The following LRP1B variants were observed in gnomAD, a reference collection of about 807,000 sequenced individuals.
The protein encoded by LRP1B is low-density lipoprotein receptor-related protein 1B.
In LRP1B, 217 loss-of-function variants were observed where a neutral mutation model predicts 556.6. The ratio of observed to expected loss-of-function variants is 0.39; its 90% CI spans 0.35 to 0.44. LRP1B has a LOEUF of 0.44. Among genes scored for constraint, LRP1B ranks in the 20% least tolerant of loss-of-function variants. LRP1B has a pLI of 1.00. For missense variants in LRP1B, 5,053 were observed against 5,620.8 expected (o/e 0.90, Z 3.23); for synonymous variants, 2,047 against 1,865.8 (o/e 1.10, Z -2.50).
intron 1 of LRP1B, among the ~76,000 whole-genome samples, chr2:141,902,632 A>T (rs185317201): frequency 1.1e-3 from 165 of 152,156 alleles, no homozygotes; most frequent in African/African-American, 3.9e-3. Flanking sequence ...CATATAGCAC[A>T]TTCAAGCTGC....
chr2:141,130,050 C>CA (rs1345034182), intron 7 of LRP1B, among the ~76,000 whole-genome samples: 6 of 151,774 alleles, frequency 4.0e-5, no homozygotes, highest in Middle Eastern at 3.7e-3. Context: ...TAAAGTACTT[C>CA]AAAAAATGTA....
intron 3 of LRP1B, among the ~76,000 whole-genome samples, chr2:141,363,521 TG>T (rs2105571644): frequency 6.6e-6 from 1 of 152,306 alleles, no homozygotes; most frequent in Admixed American, 6.5e-5. Flanking sequence ...TCTACCATGT[TG>T]TCTTAACCAT....
chr2:140,752,658 T>C (rs1164440463), intron 35 of LRP1B, among the ~76,000 whole-genome samples: 1 of 152,250 alleles, frequency 6.6e-6, no homozygotes, highest in Non-Finnish European at 1.5e-5. Flanking sequence ...TATCTTTATA[T>C]ATGTATTTGT....
chr2:140,310,865 A>G (rs548356875), intron 83 of LRP1B, among the ~76,000 whole-genome samples: 2 of 152,100 alleles, frequency 1.3e-5, no homozygotes, highest in South Asian at 4.1e-4. Flanking sequence ...TAAAACTTCA[A>G]AAGCAAATGC....
intron 1 of LRP1B, among the ~76,000 whole-genome samples, chr2:142,065,057 C>T (rs1705058418): frequency 6.6e-6 from 1 of 151,436 alleles, no homozygotes; most frequent in African/African-American, 2.4e-5. Context: ...AATATCTAAA[C>T]AATAGGATGT....
chr2:140,314,308 T>C (rs1470861660), intron 83 of LRP1B, among the ~76,000 whole-genome samples: 1 of 152,058 alleles, frequency 6.6e-6, no homozygotes, highest in African/African-American at 2.4e-5. Context: ...ACATTTTAAA[T>C]TTAATACAAG....
intron 7 of LRP1B, among the ~76,000 whole-genome samples, chr2:141,081,795 A>C (rs1699929387): frequency 6.6e-6 from 1 of 152,190 alleles, no homozygotes; most frequent in Non-Finnish European, 1.5e-5. Flanking sequence ...ACACAAGCCC[A>C]TTGCTGGGTA....
At chr2:141,331,477 CT>C (rs1194121452) in intron 3 of LRP1B, among the ~76,000 whole-genome samples, 3 of 142,150 alleles carry the variant, frequency 2.1e-5, no homozygotes, top group Non-Finnish European at 4.6e-5. Context: ...AACTCTTAAT[CT>C]TTGTTTCTTT....
chr2:140,405,894 A>G (rs55792736), intron 66 of LRP1B, among the ~76,000 whole-genome samples: 1 of 152,298 alleles, frequency 6.6e-6, no homozygotes. Flanking sequence ...ACATAAAAAT[A>G]AAACTACAGA....
chr2:141,050,661 A>C (rs1699009976), intron 10 of LRP1B, among the ~76,000 whole-genome samples: 1 of 152,156 alleles, frequency 6.6e-6, no homozygotes, highest in South Asian at 2.1e-4. Context: ...TTAAATGTAA[A>C]CCAAAACCAT....
At chr2:140,344,210 T>C (rs1409866193) in intron 77 of LRP1B, among the ~76,000 whole-genome samples, 2 of 151,752 alleles carry the variant, frequency 1.3e-5, no homozygotes, top group African/African-American at 4.8e-5. Flanking sequence ...GAGGAAACAG[T>C]ATAAGGAATC....
At chr2:141,756,211 A>G (rs1694312777) in intron 2 of LRP1B, among the ~76,000 whole-genome samples, 1 of 152,060 alleles carries the variant, frequency 6.6e-6, no homozygotes, top group Non-Finnish European at 1.5e-5. Context: ...TTTAATCAGT[A>G]TGTTGATATT....
intron 3 of LRP1B, among the ~76,000 whole-genome samples, chr2:141,263,305 A>G (rs1684770123): frequency 6.6e-6 from 1 of 152,100 alleles, no homozygotes; most frequent in Non-Finnish European, 1.5e-5. Flanking sequence ...CTAATGAATT[A>G]TAAACATCAG....
chr2:142,043,505 GA>G (rs936835810), intron 1 of LRP1B, among the ~76,000 whole-genome samples: 1 of 151,406 alleles, frequency 6.6e-6, no homozygotes, highest in Non-Finnish European at 1.5e-5. Context: ...ATTTAGAAGA[GA>G]AAAAAATAGT....
intron 43 of LRP1B, among the ~76,000 whole-genome samples, chr2:140,543,374 G>GT (rs71408461): frequency 0.034 from 5,124 of 151,720 alleles, 121 homozygotes; most frequent in Middle Eastern, 0.062. Flanking sequence ...TAAAAACTGG[G>GT]TTTTTTTATG....
chr2:142,115,770 C>A (rs181637460), intron 1 of LRP1B, among the ~76,000 whole-genome samples: 969 of 4,344 alleles, frequency 0.22, 339 homozygotes, highest in Non-Finnish European at 0.28. Flanking sequence ...TAATATATAT[C>A]ATATATATGT....
At chr2:141,825,353 T>C (rs1342133347) in intron 1 of LRP1B, among the ~76,000 whole-genome samples, 1 of 152,198 alleles carries the variant, frequency 6.6e-6, no homozygotes, top group Non-Finnish European at 1.5e-5. Flanking sequence ...CCACCCTTTA[T>C]GATTTTGTCA....
intron 66 of LRP1B, among the ~76,000 whole-genome samples, chr2:140,391,077 C>T (rs1683998290): frequency 6.6e-6 from 1 of 151,960 alleles, no homozygotes; most frequent in Admixed American, 6.6e-5. Flanking sequence ...TTGTATGAGA[C>T]ATGTTATTGC....
chr2:141,269,426 C>G (rs566201162), intron 3 of LRP1B, among the ~76,000 whole-genome samples: 1 of 152,124 alleles, frequency 6.6e-6, no homozygotes, highest in Non-Finnish European at 1.5e-5. Context: ...GCTGACCGTG[C>G]AAGCTATCTG....
Sources: gnomAD v4.1 joint callset for allele counts (sites outside exome capture counted in the v4.1 genomes callset) on GRCh38, gnomAD v4.1.1 for gene constraint, MANE v1.5 for transcripts, NCBI Gene and HGNC (gene_info 2026-07-23, HGNC 2026-07-21) for gene names.